Variants in SMOC2 observed in about 807,000 individuals in gnomAD.
SMOC2 encodes SPARC related modular calcium binding 2, also known as SPARC-related modular calcium-binding protein 2.
In SMOC2, 39 loss-of-function variants were observed where a neutral mutation model predicts 61.4. That is an observed-to-expected ratio of 0.64 (90% CI 0.49 to 0.83). The LOEUF is 0.83. SMOC2 is among the 40% of genes least tolerant of loss of function. The pLI is 0.00. For synonymous variants in SMOC2, 247 were observed against 239.9 expected (o/e 1.03, Z -0.27); for missense variants, 556 against 592.9 (o/e 0.94, Z 0.65).
At chr6:168,492,380 C>A (rs1782489144) in intron 1 of SMOC2, among the ~76,000 whole-genome samples, 2 of 152,294 alleles carry the variant, frequency 1.3e-5, no homozygotes, top group South Asian at 2.1e-4. Context: ...AAGAACTATG[C>A]AAACATAAAG....
intron 1 of SMOC2, among the ~76,000 whole-genome samples, chr6:168,456,559 C>T (rs1454666226): frequency 6.6e-6 from 1 of 152,238 alleles, no homozygotes; most frequent in African/African-American, 2.4e-5. Flanking sequence ...CAGTGACTCT[C>T]CCACGTGGAG....
At chr6:168,557,005 T>C (rs566687006) in intron 7 of SMOC2, among the ~76,000 whole-genome samples, 6 of 152,162 alleles carry the variant, frequency 3.9e-5, no homozygotes, top group Non-Finnish European at 8.8e-5. Flanking sequence ...GAAATACTTC[T>C]TTGCTTTATT....
intron 1 of SMOC2, among the ~76,000 whole-genome samples, chr6:168,489,704 G>A (rs1024034613): frequency 1.0e-4 from 14 of 139,402 alleles, no homozygotes; most frequent in East Asian, 2.3e-4. Flanking sequence ...ATATCAAATC[G>A]TCTGGGTCCC....
chr6:168,518,159 C>G (rs903045713), intron 2 of SMOC2, among the ~76,000 whole-genome samples: 1 of 152,258 alleles, frequency 6.6e-6, no homozygotes, highest in African/African-American at 2.4e-5. Context: ...CCCCATGAGG[C>G]TCCTTCACCC....
intron 9 of SMOC2, among the ~76,000 whole-genome samples, chr6:168,611,150 T>C (rs916342709): frequency 2.0e-5 from 3 of 152,280 alleles, no homozygotes; most frequent in Non-Finnish European, 2.9e-5. Flanking sequence ...GGCACTTGCA[T>C]TGAGCTGTGG....
chr6:168,642,719 A>G (rs1412370381), intron 9 of SMOC2, among the ~76,000 whole-genome samples: 1 of 152,216 alleles, frequency 6.6e-6, no homozygotes, highest in East Asian at 1.9e-4. Flanking sequence ...TAGACTTTGT[A>G]TACCTTTTAT....
At chr6:168,582,467 G>C (rs1221990902) in intron 7 of SMOC2, among the ~76,000 whole-genome samples, 1 of 152,174 alleles carries the variant, frequency 6.6e-6, no homozygotes, top group African/African-American at 2.4e-5. Context: ...TCACCGCTGG[G>C]CAGGAGAGGA....
chr6:168,474,189 TC>T (rs1184516038), intron 1 of SMOC2, among the ~76,000 whole-genome samples: 1 of 152,122 alleles, frequency 6.6e-6, no homozygotes, highest in Non-Finnish European at 1.5e-5. Flanking sequence ...ACAGACCCGA[TC>T]CTGGCTTCCT....
At chr6:168,615,006 T>C (rs182241532) in intron 9 of SMOC2, among the ~76,000 whole-genome samples, 5 of 55,768 alleles carry the variant, frequency 9.0e-5, no homozygotes, top group Admixed American at 1.9e-4. Flanking sequence ...GCACAGGGCC[T>C]CTTCATACCT....
At chr6:168,577,130 T>C (rs957613233) in intron 7 of SMOC2, among the ~76,000 whole-genome samples, 1 of 152,166 alleles carries the variant, frequency 6.6e-6, no homozygotes, top group East Asian at 1.9e-4. Flanking sequence ...ACATGCTTTC[T>C]TCTCATCTCT....
chr6:168,494,163 T>C (rs982505285), intron 1 of SMOC2, among the ~76,000 whole-genome samples: 1 of 152,162 alleles, frequency 6.6e-6, no homozygotes, highest in Admixed American at 6.5e-5. Context: ...TAAGAGCAGT[T>C]TTCCTTCTAC....
intron 2 of SMOC2, among the ~76,000 whole-genome samples, chr6:168,517,111 G>A (rs966246775): frequency 6.6e-6 from 1 of 152,228 alleles, no homozygotes; most frequent in Non-Finnish European, 1.5e-5. Context: ...AGTTCGCTGT[G>A]CCGTGACAAG....
At chr6:168,643,857 C>T (rs571510374) in intron 9 of SMOC2, among the ~76,000 whole-genome samples, 2 of 152,308 alleles carry the variant, frequency 1.3e-5, no homozygotes, top group African/African-American at 4.8e-5. Flanking sequence ...CAGTGTGGTG[C>T]TGAGTGTCAG....
chr6:168,484,253 C>T (rs755028061), intron 1 of SMOC2, among the ~76,000 whole-genome samples: 5 of 151,858 alleles, frequency 3.3e-5, no homozygotes, highest in African/African-American at 4.8e-5. Context: ...AATAAGGTAC[C>T]TGATGTTTAA....
intron 9 of SMOC2, among the ~76,000 whole-genome samples, chr6:168,633,943 T>G (rs1786643321): frequency 6.6e-6 from 1 of 152,210 alleles, no homozygotes; most frequent in African/African-American, 2.4e-5. Flanking sequence ...GAGTGAGTTC[T>G]CAAGAGATCT....
At chr6:168,523,023 G>A (rs900002199) in intron 2 of SMOC2, among the ~76,000 whole-genome samples, 6 of 149,168 alleles carry the variant, frequency 4.0e-5, no homozygotes, top group African/African-American at 1.5e-4. Context: ...CCACTGAATC[G>A]TTCACTTTAA....
chr6:168,566,462 T>A (rs990093393), intron 7 of SMOC2, among the ~76,000 whole-genome samples: 1 of 150,018 alleles, frequency 6.7e-6, no homozygotes, highest in Non-Finnish European at 1.5e-5. Context: ...GGCTTTATTA[T>A]GGATATTGTA....
At chr6:168,554,548 C>A (rs1412694902) in intron 7 of SMOC2, among the ~76,000 whole-genome samples, 3 of 152,152 alleles carry the variant, frequency 2.0e-5, no homozygotes, top group South Asian at 4.1e-4. Context: ...GGCACGGAGG[C>A]CCCCCGTCTC....
chr6:168,522,553 A>C (rs778842245), intron 2 of SMOC2, among the ~76,000 whole-genome samples: 2 of 152,226 alleles, frequency 1.3e-5, no homozygotes, highest in African/African-American at 2.4e-5. Flanking sequence ...ACATACATAA[A>C]CCTTGACAAC....
Sources: gnomAD v4.1 joint callset for allele counts (sites outside exome capture counted in the v4.1 genomes callset) on GRCh38, gnomAD v4.1.1 for gene constraint, MANE v1.5 for transcripts, NCBI Gene and HGNC (gene_info 2026-07-23, HGNC 2026-07-21) for gene names.